The following GLG1 variants were observed in gnomAD, a reference collection of about 807,000 sequenced individuals.
The protein encoded by GLG1 is Golgi apparatus protein 1.
In GLG1, 38 loss-of-function variants were observed where a neutral mutation model predicts 160.5. That is an observed-to-expected ratio of 0.24 (90% CI 0.18 to 0.31). The LOEUF is 0.31. Ranked by LOEUF, GLG1 falls within the 10% of genes least tolerant of loss-of-function variation. The pLI is 1.00. For missense variants in GLG1, 1,373 were observed against 1,505.2 expected (o/e 0.91, Z 1.45); for synonymous variants, 644 against 543.4 (o/e 1.19, Z -2.57).
At chr16:74,535,301 C>A (rs1307575872) in intron 1 of GLG1, among the ~76,000 whole-genome samples, 1 of 152,270 alleles carries the variant, frequency 6.6e-6, no homozygotes, top group East Asian at 1.9e-4. Context: ...CAGAGCACTA[C>A]TGTACCTTTC....
chr16:74,508,780 G>T (rs1257069569), intron 3 of GLG1, 59 bp downstream of exon 3: 1 of 764,386 alleles, frequency 1.3e-6, no homozygotes. Flanking sequence ...CATAAGGGCT[G>T]GTCTGGTAAT....
chr16:74,560,519 A>G (rs966578648), intron 1 of GLG1, among the ~76,000 whole-genome samples: 1 of 149,870 alleles, frequency 6.7e-6, no homozygotes, highest in Non-Finnish European at 1.5e-5. Context: ...TAATTTTTGT[A>G]TTTTTGTAGA....
intron 2 of GLG1, among the ~76,000 whole-genome samples, chr16:74,529,812 C>CTTTTTTTTTTTT (rs1178684020): frequency 8.6e-6 from 1 of 115,770 alleles, no homozygotes; most frequent in Non-Finnish European, 1.7e-5. Flanking sequence ...TTTGAGAGTT[C>CTTTTTTTTTTTT]TTTTTTTTTT....
chr16:74,454,523 G>T (rs2014448744), intron 25 of GLG1, among the ~76,000 whole-genome samples: 1 of 151,352 alleles, frequency 6.6e-6, no homozygotes, highest in Non-Finnish European at 1.5e-5. Context: ...AAAGTTAGCT[G>T]GGCGTGGTGG....
chr16:74,606,515 G>A, intron 1 of GLG1, 142 bp downstream of exon 1: 3 of 632,572 alleles, frequency 4.7e-6, no homozygotes, highest in Non-Finnish European at 7.8e-6. Context: ...GCGCCTGGGA[G>A]TGAGGAGCAA....
chr16:74,564,667 C>T (rs189930402), intron 1 of GLG1, among the ~76,000 whole-genome samples: 1 of 152,184 alleles, frequency 6.6e-6, no homozygotes, highest in South Asian at 2.1e-4. Flanking sequence ...CAAGTGAGAA[C>T]CTGACCAAAA....
intron 1 of GLG1, among the ~76,000 whole-genome samples, chr16:74,549,339 G>A (rs1358516743): frequency 2.0e-5 from 3 of 151,898 alleles, no homozygotes; most frequent in Admixed American, 1.3e-4. Flanking sequence ...TGTTGCCCAG[G>A]CTGAAGTGCA....
At position 74,511,582 on chromosome 16, in the gene GLG1, T is replaced by C. The variant is rs1354969629; in HGVS notation, c.472-2657A>G. 5.8e-4 allele frequency among the ~76,000 whole-genome samples: 73 copies of C among 126,818 alleles called. No individual in the cohort carries two copies. In the Middle Eastern group the frequency reaches 0.016, roughly 28 times the overall value. 83.2% of individuals were successfully genotyped at this position (126,818 alleles called of 152,430 possible). A position where few individuals can be genotyped will look rare whatever the true frequency, so the allele number is the denominator to read the frequency against. The stretch of plus-strand genomic sequence containing the variant: ...CAGGAGAATAACTTGAACCTTTTTT[T>C]TTTAAAAAAAAAAAAAAAAAGAAAG... On this transcript the variant is annotated intron_variant, in intron 2 of 25. Transcript: ENST00000422840.
intron 1 of GLG1, among the ~76,000 whole-genome samples, chr16:74,603,660 T>A (rs1289302145): frequency 6.6e-6 from 1 of 151,864 alleles, no homozygotes; most frequent in Non-Finnish European, 1.5e-5. Context: ...AAAGTGCTAC[T>A]GGCCATTTCA....
intron 1 of GLG1, among the ~76,000 whole-genome samples, chr16:74,578,206 G>A (rs945587881): frequency 6.6e-6 from 1 of 152,112 alleles, no homozygotes; most frequent in Non-Finnish European, 1.5e-5. Flanking sequence ...CATGACTGAT[G>A]AATAAGACTG....
At chr16:74,542,740 A>AG (rs1222617895) in intron 1 of GLG1, among the ~76,000 whole-genome samples, 390 of 8,376 alleles carry the variant, frequency 0.047, 36 homozygotes, top group East Asian at 0.14. Context: ...GAAGGGAGGA[A>AG]GGAAGGAAGG....
At chr16:74,516,709 G>C (rs905955886) in intron 2 of GLG1, among the ~76,000 whole-genome samples, 19 of 152,160 alleles carry the variant, frequency 1.2e-4, no homozygotes, top group African/African-American at 4.3e-4. Context: ...TAAGATCGGA[G>C]CAGAACTGAA....
At chr16:74,554,262 C>T (rs1410685799) in intron 1 of GLG1, among the ~76,000 whole-genome samples, 1 of 152,182 alleles carries the variant, frequency 6.6e-6, no homozygotes, top group Admixed American at 6.5e-5. Context: ...AGCCAGGCGC[C>T]GTGACTCACG....
chr16:74,595,366 T>C (rs759685388), intron 1 of GLG1, among the ~76,000 whole-genome samples: 2 of 150,950 alleles, frequency 1.3e-5, no homozygotes, highest in Non-Finnish European at 3.0e-5. Flanking sequence ...TGAAACCTGG[T>C]CTCTACTAAA....
intron 1 of GLG1, among the ~76,000 whole-genome samples, chr16:74,558,082 C>T (rs937999942): frequency 6.6e-6 from 1 of 152,146 alleles, no homozygotes; most frequent in African/African-American, 2.4e-5. Context: ...TTTTTATTCA[C>T]AGATGGTCTT....
At chr16:74,574,534 A>T (rs2018930717) in intron 1 of GLG1, among the ~76,000 whole-genome samples, 1 of 152,168 alleles carries the variant, frequency 6.6e-6, no homozygotes, top group African/African-American at 2.4e-5. Context: ...CAAGCCTTTG[A>T]ATGATGAAAG....
intron 11 of GLG1, among the ~76,000 whole-genome samples, chr16:74,479,073 A>AAAAAAAAAAAAAAAAG (rs1567469672): frequency 2.2e-5 from 3 of 134,386 alleles, no homozygotes; most frequent in African/African-American, 8.4e-5. Flanking sequence ...AAAAAAAAAA[A>AAAAAAAAAAAAAAAAG]AAAAAGCCAG....
chr16:74,576,226 G>T (rs2018999500), intron 1 of GLG1, among the ~76,000 whole-genome samples: 1 of 151,904 alleles, frequency 6.6e-6, no homozygotes, highest in Non-Finnish European at 1.5e-5. Context: ...ACTATTTTAA[G>T]TCTGTGGTGT....
In GLG1 at chr16:74,452,752, C is replaced by T; in HGVS notation, c.*415G>A. On this transcript the variant is annotated 3_prime_UTR_variant, in exon 26 of 26. Transcript: ENST00000422840. ...TCATATGAAAGACATAACCCCATTG[C>T]CCAAATCAAGCCTGGAGGAGATGCG... 2 of 992,208 alleles carry T rather than the reference C, an allele frequency of 2.0e-6. No homozygotes were observed. Among genetic ancestry groups the T allele is most frequent in the Non-Finnish European group, 2.4e-6 (2 of 834,014 alleles). 61.5% of individuals were successfully genotyped at this position (992,208 alleles called of 1,614,324 possible). A position where few individuals can be genotyped will look rare whatever the true frequency, so the allele number is the denominator to read the frequency against.
Sources: allele counts gnomAD v4.1 joint callset (sites outside exome capture counted in the v4.1 genomes callset), GRCh38; gene constraint gnomAD v4.1.1; transcripts MANE v1.5; gene names NCBI Gene and HGNC (gene_info 2026-07-23, HGNC 2026-07-21).